The following TFR2 variants were observed in gnomAD, a reference collection of about 807,000 sequenced individuals.
TFR2 encodes transferrin receptor protein 2.
A neutral mutation model predicts 91.9 loss-of-function variants in TFR2; 64 were observed. That is an observed-to-expected ratio of 0.70 (90% CI 0.57 to 0.86). The LOEUF (loss-of-function observed/expected upper bound fraction) is 0.86, where lower values mean the gene tolerates loss of function less well. Among genes scored for constraint, TFR2 ranks in the 40% least tolerant of loss-of-function variants. The pLI, the probability that TFR2 is intolerant of heterozygous loss-of-function variation, is 0.00. For synonymous variants in TFR2, 454 were observed against 459.6 expected (o/e 0.99, Z 0.15); for missense variants, 950 against 1,080.5 (o/e 0.88, Z 1.69).
In TFR2 at chr7:100,627,772, A is replaced by C. The variant is rs916073801; in HGVS notation, c.1654T>G (p.Phe552Val). Residue 552 changes from phenylalanine (F) to valine (V), a missense_variant, in exon 14 of 18, where the codon TTC becomes GTC. Coordinates refer to ENST00000223051, the MANE Select transcript of TFR2 (RefSeq NM_003227.4). ...TCAGCATCCCAGCTGGGATTGGTGA[A>C]CACCACCTGTTCATAGAGAGTCTGC... ...SGQTLYEQVVFTNPSWDAEVI... is the reference protein window; with the variant it reads ...SGQTLYEQVVVTNPSWDAEVI... 3.7e-6 allele frequency: 6 copies of C among 1,613,020 alleles called. No homozygotes were observed. The East Asian group carries it at 6.7e-5, about 18-fold the overall frequency.
intron 17 of TFR2, 58 bp from the exon 18 acceptor site, chr7:100,621,184 C>T (rs781683932): frequency 8.4e-5 from 120 of 1,431,706 alleles, no homozygotes; most frequent in East Asian, 2.1e-4. Flanking sequence ...AGCAAAGGCC[C>T]GAGTCACCCT....
chr7:100,631,851 A>C lies in TFR2; in HGVS notation c.1061T>G (p.Ile354Ser). The change falls in exon 8 of 18, where the codon ATC (isoleucine) becomes AGC (serine). Residue 354 changes from isoleucine to serine, a missense_variant. By Grantham distance (142) the Ile-to-Ser change is moderately radical (BLOSUM62 -2). Transcript: ENST00000223051. ...PPVASSGLPS[I>S]PAQPISADIA... ...GTCTGCACTGATGGGCTGGGCTGGG[A>C]TGCTGGGAAGGCCTGATGATGCAAC... 6.2e-7 allele frequency: 1 copy of C among 1,613,756 alleles called. No individual in the cohort carries two copies. The highest frequency in any genetic ancestry group is 1.1e-5 in the South Asian group (1 of 91,028).
At position 100,627,406 on chromosome 7, in the gene TFR2, A is replaced by G. The variant is rs768578503; in HGVS notation, c.1853T>C (p.Val618Ala). The G allele has an allele frequency of 1.3e-6, 2 of 1,568,084 alleles. No homozygotes were observed. Among genetic ancestry groups the G allele is most frequent in the South Asian group, 2.3e-5 (2 of 85,660 alleles). The part of the protein sequence containing the change: ...HKVLQGRLPA[V>A]AQAVAQLAGQ... Reference sequence around the variant, plus strand: ...TGCGAGCTGGGCCACGGCCTGGGCCACGGCGGGCAGGCGGCCTTGCAGCAC... The same window carrying G: ...TGCGAGCTGGGCCACGGCCTGGGCCGCGGCGGGCAGGCGGCCTTGCAGCAC... Residue 618 changes from valine to alanine, a missense_variant, in exon 16 of 18, where the codon GTG becomes GCG. Val to Ala is a moderately conservative substitution (Grantham distance 64). Coordinates refer to ENST00000223051, the MANE Select transcript of TFR2 (RefSeq NM_003227.4).
intron 8 of TFR2, 63 bp downstream of exon 8, chr7:100,631,743 T>G (rs1176479539): frequency 6.3e-7 from 1 of 1,576,420 alleles, no homozygotes; most frequent in Non-Finnish European, 8.6e-7. Context: ...AATCACCCTG[T>G]GGCCTCGCTG....
At position 100,627,989 on chromosome 7, in the gene TFR2, G is replaced by A; in HGVS notation, c.1538-15C>T. On this transcript the variant is annotated splice_polypyrimidine_tract_variant and intron_variant, in intron 12 of 17. Coordinates refer to ENST00000223051, the MANE Select transcript of TFR2 (RefSeq NM_003227.4). ...CTTGTCATCCCCTGGAAAAAGGGGA[G>A]GGGAGGGATGCCAGGCTCAGGGCTC... The A allele has an allele frequency of 1.2e-6, 2 of 1,614,076 alleles. No homozygotes were observed. Among genetic ancestry groups the A allele is most frequent in the Non-Finnish European group, 1.7e-6 (2 of 1,179,940 alleles).
At chr7:100,626,597 C>G (rs1157295799) in intron 17 of TFR2, 166 bp downstream of exon 17, 4 of 1,437,566 alleles carry the variant, frequency 2.8e-6, no homozygotes, top group Non-Finnish European at 3.6e-6. Context: ...CCAGCCTGAC[C>G]GATCTATGAG....
chr7:100,628,007 C>T, intron 12 of TFR2, 33 bp from the exon 13 acceptor site: 3 of 1,614,074 alleles, frequency 1.9e-6, no homozygotes, highest in Non-Finnish European at 2.5e-6. Flanking sequence ...ATGCCAGGCT[C>T]AGGGCTCAGC....
chr7:100,635,432 AATTATT>A (rs60473539), intron 3 of TFR2, among the ~76,000 whole-genome samples: 34 of 143,444 alleles, frequency 2.4e-4, no homozygotes, highest in Admixed American at 1.8e-3. Context: ...TTTTTTAAAA[AATTATT>A]ATTATTATTA....
Position 100,638,748 on chromosome 7 carries a change from C to CA in TFR2, c.473+1937dup, listed in dbSNP as rs1162230384. 4.0e-3 allele frequency among the ~76,000 whole-genome samples: 357 copies of CA among 89,142 alleles called. 5 individuals carry two copies. In the East Asian group the frequency reaches 0.085, roughly 21 times the overall value. 58.5% of individuals were successfully genotyped at this position (89,142 alleles called of 152,430 possible). On this transcript the variant is annotated intron_variant, in intron 3 of 17. Transcript: ENST00000223051. ...CCTGGGCAACAGTGAAACTCTGTCT[C>CA]AAAAAAAGTAAAAAAAAAAAAAATA... is the stretch of plus-strand genomic sequence containing the variant.
intron 9 of TFR2, among the ~76,000 whole-genome samples, chr7:100,629,846 C>T (rs971635002): frequency 3.3e-5 from 5 of 151,794 alleles, no homozygotes; most frequent in Admixed American, 6.6e-5. Flanking sequence ...CCCGGGTTCA[C>T]GCCATTCTCC....
In TFR2 at chr7:100,625,279, G is replaced by A. The variant is rs551187438; in HGVS notation, c.2136+1484C>T. Among the ~76,000 whole-genome samples the A allele has an allele frequency of 6.6e-4, 100 of 151,906 alleles. 1 individual carries two copies. Among genetic ancestry groups the A allele is most frequent in the African/African-American group, 2.3e-3 (95 of 41,432 alleles). ...TCTCCATGTTGGTCAGGCTGGTCTCGAACTCCTGACCCCAGGTGATCCGCC... is the reference window on the plus strand; with the variant it reads ...TCTCCATGTTGGTCAGGCTGGTCTCAAACTCCTGACCCCAGGTGATCCGCC... On this transcript the variant is annotated intron_variant, in intron 17 of 17. Coordinates refer to ENST00000223051, the MANE Select transcript of TFR2 (RefSeq NM_003227.4).
chr7:100,626,415 T>C, intron 17 of TFR2: 1 of 1,134,350 alleles, frequency 8.8e-7, no homozygotes. Flanking sequence ...AGTGTGGACA[T>C]GCTTTTTCTT....
chr7:100,637,898 G>A (rs1317177982), intron 3 of TFR2, among the ~76,000 whole-genome samples: 2 of 151,154 alleles, frequency 1.3e-5, no homozygotes, highest in East Asian at 2.0e-4. Flanking sequence ...ATGGCACGAC[G>A]TTGACTCACC....
rs1803079643 is a variant in TFR2 at position 100,620,801 on chromosome 7, G to T, written c.*56C>A. On this transcript the variant is annotated 3_prime_UTR_variant, in exon 18 of 18. Coordinates refer to ENST00000223051, the MANE Select transcript of TFR2 (RefSeq NM_003227.4). ...ACCTCCCTGACCCTGAATCATTCAA[G>T]CGAGGAGCAGAGGAGCTCTTGACTG... 4 of 1,609,742 alleles carry T rather than the reference G, an allele frequency of 2.5e-6. No homozygotes were observed. Among genetic ancestry groups the T allele is most frequent in the Admixed American group, 3.3e-5 (2 of 59,908 alleles).
chr7:100,630,018 A>G (rs1803385145), intron 9 of TFR2, among the ~76,000 whole-genome samples: 1 of 152,180 alleles, frequency 6.6e-6, no homozygotes, highest in South Asian at 2.1e-4. Flanking sequence ...TGCTGGGATT[A>G]CAGGCGTGAG....
chr7:100,632,249 T>C (rs1422830899), intron 6 of TFR2, 51 bp from the exon 7 acceptor site: 2 of 1,536,756 alleles, frequency 1.3e-6, no homozygotes, highest in East Asian at 2.2e-5. Flanking sequence ...ACCCGATTCA[T>C]AAGGGCAGGA....
In TFR2 at chr7:100,631,950, A is replaced by G. The variant is rs761989991; in HGVS notation, c.967-5T>C. 1 of 1,613,926 alleles carries G rather than the reference A, an allele frequency of 6.2e-7. No individual in the cohort carries two copies. The highest frequency in any genetic ancestry group is 1.7e-5 in the Admixed American group (1 of 59,980). ...GTCTCCAGTTCCCAGGTGCACCTGCAGGGAAAGGGGTGCCCACGCAAAGCT... is the reference window on the plus strand; with the variant it reads ...GTCTCCAGTTCCCAGGTGCACCTGCGGGGAAAGGGGTGCCCACGCAAAGCT... On this transcript the variant is annotated splice_region_variant and splice_polypyrimidine_tract_variant and intron_variant, in intron 7 of 17. Transcript: ENST00000223051.
chr7:100,623,176 G>A (rs1015095979), intron 17 of TFR2, among the ~76,000 whole-genome samples: 6 of 152,140 alleles, frequency 3.9e-5, no homozygotes, highest in Non-Finnish European at 7.3e-5. Context: ...AGAAGGCTGA[G>A]GCAGGAGAAT....
In TFR2 at chr7:100,641,082, C is replaced by G. The variant is rs1040349969; in HGVS notation, c.180G>C (p.Glu60Asp). 10 of 1,599,932 alleles carry G rather than the reference C, an allele frequency of 6.3e-6. No homozygotes were observed. In the African/African-American group the frequency reaches 1.3e-4, roughly 21 times the overall value. Reference sequence around the variant, plus strand: ...GCTGCCTGGGTCTAGAGCCCAGGGGCTCAGGGCCCCTCAGCTCCATGGGGC... The same window carrying G: ...GCTGCCTGGGTCTAGAGCCCAGGGGGTCAGGGCCCCTCAGCTCCATGGGGC... ...HFCPMELRGP[E>D]PLGSRPRQPN... The change falls in exon 2 of 18, where the codon GAG (glutamate) becomes GAC (aspartate). Residue 60 changes from glutamate (E) to aspartate (D), a missense_variant. Glu to Asp is a conservative substitution (Grantham distance 45, BLOSUM62 2). Transcript: ENST00000223051.
Sources: allele counts gnomAD v4.1 joint callset (sites outside exome capture counted in the v4.1 genomes callset), GRCh38; gene constraint gnomAD v4.1.1; transcripts MANE v1.5; gene names NCBI Gene and HGNC (gene_info 2026-07-23, HGNC 2026-07-21).